ZNF202: variants seen among roughly 807,000 people sequenced by gnomAD.
ZNF202 encodes zinc finger protein with KRAB and SCAN domains 10.
Under a neutral mutation model 54.5 loss-of-function variants are expected in ZNF202, and 22 were observed. The observed-to-expected ratio is 0.40, with a 90% CI of 0.29 to 0.58. The LOEUF (loss-of-function observed/expected upper bound fraction) is 0.58, where lower values mean the gene tolerates loss of function less well. Among genes scored for constraint, ZNF202 ranks in the 20% least tolerant of loss-of-function variants. The pLI, the probability that ZNF202 is intolerant of heterozygous loss-of-function variation, is 0.39. For synonymous variants in ZNF202, 294 were observed against 301.4 expected (o/e 0.98, Z 0.26); for missense variants, 644 against 805.5 (o/e 0.80, Z 2.43).
chr11:123,724,442 G>A lies in ZNF202; in HGVS notation c.*1555C>T, dbSNP rs1326992655. The A allele has an allele frequency of 1.3e-5, 2 of 152,120 alleles. No homozygotes were observed. Among genetic ancestry groups the A allele is most frequent in the South Asian group, 2.1e-4 (1 of 4,828 alleles). 9.4% of individuals were successfully genotyped at this position (152,120 alleles called of 1,614,324 possible). ...CAAACCAGTCCATCAGAATATCATC[G>A]ACCAAAATGAGAATTTCCCTGTTGG... is the stretch of plus-strand genomic sequence containing the variant. On this transcript the variant is annotated 3_prime_UTR_variant, in exon 9 of 9. Coordinates refer to ENST00000530393, the MANE Select transcript of ZNF202 (RefSeq NM_003455.4).
In ZNF202 at chr11:123,726,900, A is replaced by C; in HGVS notation, c.1044T>G (p.Ile348Met). 6.2e-7 allele frequency: 1 copy of C among 1,614,156 alleles called. No individual in the cohort carries two copies. The highest frequency in any genetic ancestry group is 8.5e-7 in the Non-Finnish European group (1 of 1,180,038). Reference protein sequence around the residue: ...IHRPVLGEPEIHQTPDWEIVF... With the variant: ...IHRPVLGEPEMHQTPDWEIVF... Reference sequence around the variant, plus strand: ...CTATTTCCCAATCTGGAGTCTGGTGAATTTCTGGTTCTCCCAAAACAGGCC... The same window carrying C: ...CTATTTCCCAATCTGGAGTCTGGTGCATTTCTGGTTCTCCCAAAACAGGCC... Residue 348 changes from isoleucine to methionine, a missense_variant, in exon 9 of 9, where the codon ATT (isoleucine) becomes ATG (methionine). Ile to Met is a conservative substitution (Grantham distance 10). This residue lies in a region of ZNF202 where 536 missense variants were observed against 635.3 expected (regional missense o/e 0.84). Transcript: ENST00000530393. The surrounding 1 kb of genome is among the most constrained non-coding windows in gnomAD (Gnocchi z 6.0).
rs138798267 is a variant in ZNF202, at chr11:123,729,676, C to G, written c.552G>C (p.Leu184=). 323 of 1,612,710 alleles carry G rather than the reference C, an allele frequency of 2.0e-4. 7 individuals carry two copies. The East Asian group carries it at 4.2e-3, about 21-fold the overall frequency. Residue 184 remains leucine, a synonymous_variant, in exon 5 of 9, where the codon CTG becomes CTC. Transcript: ENST00000530393. The part of the protein sequence containing the change: ...SPEETTQSPD[L]GAPAEQRPHQ... ...GTGGACGCTGCTCTGCCGGTGCCCC[C>G]AGATCTGGGCTCTGTGTGGTTTCCT... is the stretch of plus-strand genomic sequence containing the variant.
chr11:123,737,790 A>C (rs925097121), intron 3 of ZNF202, among the ~76,000 whole-genome samples: 3 of 152,176 alleles, frequency 2.0e-5, no homozygotes, highest in Non-Finnish European at 2.9e-5. Context: ...ACTGCTCTAC[A>C]TTGTAAAGAG....
In ZNF202 at chr11:123,726,343, C is replaced by T; in HGVS notation, c.1601G>A (p.Gly534Asp). ...LTTHQRIHLG[G>D]KPYLCGECGE... ...ACACTCTCCACACAAGTAGGGTTTG[C>T]CTCCCAGGTGGATTCTTTGGTGTGT... The change falls in exon 9 of 9, where the codon GGC becomes GAC. Residue 534 changes from glycine to aspartate, a missense_variant. Gly to Asp is a moderately conservative substitution (Grantham distance 94). Around this residue, in one of 3 missense-constraint regions of ZNF202, gnomAD observed 536 missense variants for 635.3 expected, o/e 0.84. Coordinates refer to ENST00000530393, the MANE Select transcript of ZNF202 (RefSeq NM_003455.4). The surrounding 1 kb of genome is among the most constrained non-coding windows in gnomAD (Gnocchi z 6.0). The T allele has an allele frequency of 1.2e-6, 2 of 1,614,218 alleles. No homozygotes were observed. The highest frequency in any genetic ancestry group is 1.7e-6 in the Non-Finnish European group (2 of 1,180,054).
intron 3 of ZNF202, 92 bp downstream of exon 3, chr11:123,740,025 G>C (rs765707545): frequency 2.0e-5 from 3 of 152,178 alleles, no homozygotes; most frequent in Admixed American, 1.3e-4. Flanking sequence ...TTGCTGGTGA[G>C]AGAACAGCAA....
rs748702714 is a variant in ZNF202 at position 123,727,635 on chromosome 11, A to C, written c.833-40T>G. 2.6e-5 allele frequency: 42 copies of C among 1,612,360 alleles called. No individual in the cohort carries two copies. In the Admixed American group the frequency reaches 3.8e-4, roughly 15 times the overall value. ...GAAAATAGGATATCACGATTGGCTC[A>C]ACAATTCCCTGTGTTAAGAGCGGTC... On this transcript the variant is annotated intron_variant, in intron 7 of 8. Coordinates refer to ENST00000530393, the MANE Select transcript of ZNF202 (RefSeq NM_003455.4).
chr11:123,739,633 C>T (rs1246755766), intron 3 of ZNF202: 3 of 152,182 alleles, frequency 2.0e-5, no homozygotes, highest in Non-Finnish European at 4.4e-5. Flanking sequence ...TTTAAGTACG[C>T]TTTCTTAATT....
intron 3 of ZNF202, among the ~76,000 whole-genome samples, chr11:123,735,034 T>C (rs2137358392): frequency 6.6e-6 from 1 of 152,056 alleles, no homozygotes; most frequent in Non-Finnish European, 1.5e-5. Context: ...AAAATCATTT[T>C]CCATTGAGGA....
In ZNF202 at chr11:123,728,625, A is replaced by G. The variant is rs1861262321; in HGVS notation, c.703-363T>C. ...TCCCTAAAGACTCTAATCACTTTCA[A>G]TAGTTTCTATACTCTATAGCCAAAA... On this transcript the variant is annotated intron_variant, in intron 6 of 8. Transcript: ENST00000530393. Among the ~76,000 whole-genome samples the G allele has an allele frequency of 2.0e-5, 3 of 152,178 alleles. No individual in the cohort carries two copies. The South Asian group carries it at 6.2e-4, about 32-fold the overall frequency.
rs200938359 is a variant in ZNF202, at chr11:123,726,324, T to G, written c.1620A>C (p.Gly540=). 1 of 1,614,208 alleles carries G rather than the reference T, an allele frequency of 6.2e-7. No individual in the cohort carries two copies. The highest frequency in any genetic ancestry group is 8.5e-7 in the Non-Finnish European group (1 of 1,180,036). The change falls in exon 9 of 9, where the codon GGA becomes GGC. Residue 540 remains glycine, a synonymous_variant. Coordinates refer to ENST00000530393, the MANE Select transcript of ZNF202 (RefSeq NM_003455.4). This position sits in a 1 kb window ranked among gnomAD's most constrained non-coding sequence, Gnocchi z 6.0. ...GTTCACTGAAGTCCTCACCACACTC[T>G]CCACACAAGTAGGGTTTGCCTCCCA... The part of the protein sequence containing the change: ...IHLGGKPYLC[G]ECGEDFSEHR...
rs370489461 is a variant in ZNF202, at chr11:123,728,236, G to T, written c.729C>A (p.Ala243=). The stretch of plus-strand genomic sequence containing the variant: ...TCCACTGGTCCTGGGAAAAGCATAC[G>T]GCCACATCCTTGAACGTTACCAGTC... ...SQGLVTFKDV[A]VCFSQDQWSD... is the part of the protein sequence containing the mutation. Residue 243 remains alanine, a synonymous_variant, in exon 7 of 9, where the codon GCC becomes GCA. Transcript: ENST00000530393. 3 of 1,611,996 alleles carry T rather than the reference G, an allele frequency of 1.9e-6. No individual in the cohort carries two copies. Among genetic ancestry groups the T allele is most frequent in the Non-Finnish European group, 2.5e-6 (3 of 1,178,750 alleles).
At chr11:123,739,777 G>A (rs948057207) in intron 3 of ZNF202, among the ~76,000 whole-genome samples, 4 of 152,194 alleles carry the variant, frequency 2.6e-5, no homozygotes, top group Non-Finnish European at 4.4e-5. Context: ...TTGGCCAAAA[G>A]GTAGTTGTTC....
At chr11:123,734,196 T>A (rs1861537341) in intron 3 of ZNF202, among the ~76,000 whole-genome samples, 1 of 152,106 alleles carries the variant, frequency 6.6e-6, no homozygotes, top group Admixed American at 6.5e-5. Context: ...GAACAGGATT[T>A]AATAATGGGC....
intron 3 of ZNF202, chr11:123,738,724 A>G (rs1446512017): frequency 2.0e-5 from 3 of 152,362 alleles, no homozygotes; most frequent in Middle Eastern, 6.8e-3. Context: ...AGTAAATTCA[A>G]AAGTCATTTA....
rs1407273064 is a variant in ZNF202 at position 123,726,336 on chromosome 11, G to A, written c.1608C>T (p.Pro536=). 2 of 1,614,248 alleles carry A rather than the reference G, an allele frequency of 1.2e-6. No individual in the cohort carries two copies. Among genetic ancestry groups the A allele is most frequent in the Admixed American group, 1.7e-5 (1 of 60,034 alleles). The change falls in exon 9 of 9, where the codon CCC becomes CCT. Residue 536 remains proline, a synonymous_variant. Transcript: ENST00000530393. This position sits in a 1 kb window ranked among gnomAD's most constrained non-coding sequence, Gnocchi z 6.0. ...CCTCACCACACTCTCCACACAAGTA[G>A]GGTTTGCCTCCCAGGTGGATTCTTT... The part of the protein sequence containing the change: ...THQRIHLGGK[P]YLCGECGEDF...
intron 3 of ZNF202, among the ~76,000 whole-genome samples, chr11:123,732,194 G>A (rs2137342477): frequency 6.6e-6 from 1 of 152,242 alleles, no homozygotes; most frequent in South Asian, 2.1e-4. Flanking sequence ...CCAAATGTGA[G>A]CTATCTGCCT....
intron 3 of ZNF202, among the ~76,000 whole-genome samples, chr11:123,735,235 G>A (rs1037962371): frequency 1.3e-5 from 2 of 152,184 alleles, no homozygotes; most frequent in African/African-American, 2.4e-5. Context: ...CCGACGTCCA[G>A]TGAAGTAGAC....
At position 123,727,666 on chromosome 11, in the gene ZNF202, C is replaced by G. The variant is rs542784583; in HGVS notation, c.833-71G>C. 1.9e-6 allele frequency: 3 copies of G among 1,590,594 alleles called. No homozygotes were observed. The African/African-American group carries it at 4.1e-5, about 22-fold the overall frequency. ...TCCCTGTGTTAAGAGCGGTCCTTTT[C>G]TATTTGGTAGGTTGTGGGGCAAATA... is the stretch of plus-strand genomic sequence containing the variant. On this transcript the variant is annotated intron_variant, in intron 7 of 8. Transcript: ENST00000530393.
chr11:123,728,836 T>A (rs1335280291), intron 6 of ZNF202, among the ~76,000 whole-genome samples: 1 of 150,272 alleles, frequency 6.7e-6, no homozygotes, highest in Non-Finnish European at 1.5e-5. Flanking sequence ...AAAAAAAAAC[T>A]AAAAAACCCT....
Sources: gnomAD v4.1 joint callset for allele counts (sites outside exome capture counted in the v4.1 genomes callset) on GRCh38, gnomAD v4.1.1 for gene constraint, gnomAD v4.1.1 regional missense constraint, Gnocchi (gnomAD v3.1) non-coding constraint, MANE v1.5 for transcripts, NCBI Gene and HGNC (gene_info 2026-07-23, HGNC 2026-07-21) for gene names.